RAD51B: variants seen among roughly 807,000 people sequenced by gnomAD.
RAD51B encodes DNA repair protein RAD51 homolog 2.
Under a neutral mutation model 42.2 loss-of-function variants are expected in RAD51B, and 38 were observed. The observed-to-expected ratio is 0.90, with a 90% confidence interval of 0.70 to 1.18. The LOEUF is 1.18. RAD51B is among the 50% of genes most tolerant of loss of function. The pLI, the probability that RAD51B is intolerant of heterozygous loss-of-function variation, is 0.00. For missense variants in RAD51B, 373 were observed against 400.7 expected, an observed-to-expected ratio of 0.93 and a Z score of 0.59; for synonymous variants, 154 against 145.2, an observed-to-expected ratio of 1.06 and a Z score of -0.43.
At chr14:67,915,305 G>T (rs950897133) in intron 7 of RAD51B, among the ~76,000 whole-genome samples, 3 of 152,220 alleles carry the variant, frequency 2.0e-5, no homozygotes, top group African/African-American at 7.2e-5. Flanking sequence ...GTGTCAGTCA[G>T]AAACAACTGT....
chr14:68,634,618 C>G (rs1892305089), intron 10 of RAD51B, among the ~76,000 whole-genome samples: 1 of 152,154 alleles, frequency 6.6e-6, no homozygotes, highest in African/African-American at 2.4e-5. Flanking sequence ...CCCTCCCACC[C>G]CTGCCTGGAA....
chr14:68,632,292 G>A (rs989508701), intron 10 of RAD51B, among the ~76,000 whole-genome samples: 12 of 152,072 alleles, frequency 7.9e-5, no homozygotes, highest in African/African-American at 1.2e-4. Flanking sequence ...TCAGCTGTGG[G>A]GTGCTCGCTG....
rs543166714 is a variant in RAD51B at position 68,236,810 on chromosome 14, A to C, written c.757-55074A>C. Among the ~76,000 whole-genome samples, 8 of 152,342 alleles carry C rather than the reference A, an allele frequency of 5.3e-5. No individual in the cohort carries two copies. In the South Asian group the frequency reaches 1.7e-3, roughly 32 times the overall value. ...GAAACGCAAACATGTACTCCTGCTC[A>C]GCTTTCCCTGGCTGACCTGGATTCC... On this transcript the variant is annotated intron_variant, in intron 7 of 10. Coordinates refer to ENST00000471583, the MANE Select transcript of RAD51B (RefSeq NM_133510.4).
At chr14:68,476,099 G>A (rs1156643381) in intron 10 of RAD51B, among the ~76,000 whole-genome samples, 1 of 151,338 alleles carries the variant, frequency 6.6e-6, no homozygotes. Context: ...CTAGTTAGGA[G>A]AGATGTAGTT....
At chr14:68,615,986 T>A (rs925667062), downstream of RAD51B, among the ~76,000 whole-genome samples, 1 of 152,200 alleles carries the variant, frequency 6.6e-6, no homozygotes, top group African/African-American at 2.4e-5. Flanking sequence ...CTTTGTTACC[T>A]TTTGCATCTT....
intron 8 of RAD51B, among the ~76,000 whole-genome samples, chr14:68,375,984 C>T (rs571444447): frequency 6.0e-5 from 9 of 149,816 alleles, no homozygotes; most frequent in African/African-American, 2.0e-4. Flanking sequence ...CTCCTAGGGA[C>T]CCAGGGGCCT....
chr14:68,005,045 GTTTTTT>G, intron 7 of RAD51B, among the ~76,000 whole-genome samples: 1 of 79,498 alleles, frequency 1.3e-5, no homozygotes. Context: ...GTGTGTGTGT[GTTTTTT>G]TTTTTTTTTT....
At chr14:67,959,550 A>G (rs886693014) in intron 7 of RAD51B, among the ~76,000 whole-genome samples, 156 of 152,160 alleles carry the variant, frequency 1.0e-3, no homozygotes, top group African/African-American at 3.6e-3. Context: ...CCCGGCCAAT[A>G]CTTTCTTTTG....
chr14:67,960,955 CCA>C (rs2140229397), intron 7 of RAD51B, among the ~76,000 whole-genome samples: 1 of 152,232 alleles, frequency 6.6e-6, no homozygotes, highest in Non-Finnish European at 1.5e-5. Context: ...CAGGCATGAG[CCA>C]CTGTGCCTGG....
intron 3 of RAD51B, among the ~76,000 whole-genome samples, chr14:67,830,213 G>T (rs2040986885): frequency 6.6e-6 from 1 of 152,042 alleles, no homozygotes. Context: ...TCATAAAAGG[G>T]TATACTGTAA....
At chr14:68,159,187 C>CTGGT (rs1220199952) in intron 7 of RAD51B, among the ~76,000 whole-genome samples, 1 of 151,964 alleles carries the variant, frequency 6.6e-6, no homozygotes, top group African/African-American at 2.4e-5. Flanking sequence ...ATTATTAAAG[C>CTGGT]TGGTAATGGG....
intron 7 of RAD51B, among the ~76,000 whole-genome samples, chr14:68,138,143 TA>T (rs1420022589): frequency 3.5e-5 from 3 of 85,366 alleles, no homozygotes; most frequent in African/African-American, 1.2e-4. Context: ...TCCCATTTAG[TA>T]TTTTTTTTTT....
intron 7 of RAD51B, among the ~76,000 whole-genome samples, chr14:68,166,863 A>G (rs554935992): frequency 6.6e-6 from 1 of 152,140 alleles, no homozygotes; most frequent in African/African-American, 2.4e-5. Context: ...TATCCACCCC[A>G]TCTCTCAAGC....
intron 8 of RAD51B, among the ~76,000 whole-genome samples, chr14:68,335,055 G>T (rs1595721246): frequency 6.7e-6 from 1 of 150,068 alleles, no homozygotes; most frequent in African/African-American, 2.4e-5. Flanking sequence ...TCAGCACTTT[G>T]TGGGGCCGAG....
At chr14:68,629,534 C>T (rs1197641943) in intron 10 of RAD51B, among the ~76,000 whole-genome samples, 1 of 152,158 alleles carries the variant, frequency 6.6e-6, no homozygotes, top group Admixed American at 6.5e-5. Flanking sequence ...CCCCAGCTTG[C>T]GAACAAAGCT....
chr14:68,156,767 A>T (rs1342049464), intron 7 of RAD51B, among the ~76,000 whole-genome samples: 1 of 152,206 alleles, frequency 6.6e-6, no homozygotes, highest in Non-Finnish European at 1.5e-5. Flanking sequence ...AAGTTTGAAA[A>T]TGGAAACCTT....
At chr14:68,478,552 A>T (rs1394640921), downstream of RAD51B, among the ~76,000 whole-genome samples, 2 of 152,256 alleles carry the variant, frequency 1.3e-5, no homozygotes, top group African/African-American at 4.8e-5. Context: ...TTGAAGCATC[A>T]GACTGGGTTC....
At chr14:67,929,872 G>A (rs1397849827) in intron 7 of RAD51B, among the ~76,000 whole-genome samples, 1 of 151,146 alleles carries the variant, frequency 6.6e-6, no homozygotes, top group Admixed American at 6.6e-5. Context: ...CTAGTCTTGA[G>A]CTCCTGGCCT....
chr14:68,579,756 C>T (rs2750136), intron 10 of RAD51B, among the ~76,000 whole-genome samples: 2,032 of 152,322 alleles, frequency 0.013, 32 homozygotes, highest in African/African-American at 0.035. Flanking sequence ...TTTCTGTTCC[C>T]CACCCATGTT....
Sources: allele counts gnomAD v4.1 joint callset (sites outside exome capture counted in the v4.1 genomes callset), GRCh38; gene constraint gnomAD v4.1.1; transcripts MANE v1.5; gene names NCBI Gene and HGNC (gene_info 2026-07-23, HGNC 2026-07-21).